The following COL21A1 variants were observed in gnomAD, a reference collection of about 807,000 sequenced individuals.
COL21A1 encodes the protein collagen alpha-1(XXI) chain.
In COL21A1, 149 loss-of-function variants were observed where a neutral mutation model predicts 137.9. That is an observed-to-expected ratio of 1.08 (90% CI 0.95 to 1.24). The LOEUF (loss-of-function observed/expected upper bound fraction) is 1.24. COL21A1 is among the 50% of genes most tolerant of loss of function. The probability of loss-of-function intolerance (pLI) is 0.00; values close to 1 mark genes in which losing one functional copy is unlikely to be tolerated. For missense variants in COL21A1, 1,167 were observed against 1,158.4 expected, an observed-to-expected ratio of 1.01 and a Z score of -0.11; for synonymous variants, 456 against 391.5, an observed-to-expected ratio of 1.16 and a Z score of -1.95.
chr6:56,313,120 G>A (rs1764648959), intron 1 of COL21A1, among the ~76,000 whole-genome samples: 2 of 152,152 alleles, frequency 1.3e-5, no homozygotes, highest in African/African-American at 4.8e-5. Flanking sequence ...GAGATAGCTA[G>A]TAAGGAATTA....
At chr6:56,368,807 T>A (rs192681051) in intron 1 of COL21A1, among the ~76,000 whole-genome samples, 2 of 152,322 alleles carry the variant, frequency 1.3e-5, no homozygotes, top group Non-Finnish European at 2.9e-5. Context: ...GAAGAGAAAT[T>A]TTCAATGGTC....
chr6:56,116,540 G>C (rs746461586), intron 16 of COL21A1, among the ~76,000 whole-genome samples: 49 of 149,632 alleles, frequency 3.3e-4, no homozygotes, highest in Non-Finnish European at 5.6e-4. Context: ...TACCATACAA[G>C]AAATGCTAAA....
chr6:56,342,572 A>G (rs1765494458), intron 1 of COL21A1, among the ~76,000 whole-genome samples: 1 of 152,238 alleles, frequency 6.6e-6, no homozygotes, highest in Admixed American at 6.5e-5. Context: ...ATGTTCACAT[A>G]TATCAGAATT....
intron 9 of COL21A1, among the ~76,000 whole-genome samples, chr6:56,163,783 C>T (rs111389819): frequency 2.0e-5 from 3 of 151,618 alleles, no homozygotes; most frequent in African/African-American, 7.3e-5. Context: ...ATAAAACAAC[C>T]GGTTATAAAG....
intron 1 of COL21A1, among the ~76,000 whole-genome samples, chr6:56,341,664 A>T (rs9475675): frequency 0.33 from 50,479 of 152,094 alleles, 9,095 homozygotes; most frequent in Admixed American, 0.41. Flanking sequence ...GATATGTGTC[A>T]TTATACATTT....
intron 12 of COL21A1, among the ~76,000 whole-genome samples, chr6:56,133,399 C>A (rs191281079): frequency 2.2e-4 from 34 of 152,210 alleles, no homozygotes; most frequent in African/African-American, 7.9e-4. Flanking sequence ...TTCTAAGGAG[C>A]AAGGCATTCA....
chr6:56,276,177 A>G (rs1243630361), intron 1 of COL21A1, among the ~76,000 whole-genome samples: 1 of 152,200 alleles, frequency 6.6e-6, no homozygotes, highest in Non-Finnish European at 1.5e-5. Flanking sequence ...TTGTGTACAC[A>G]TGGTAAAGAT....
At chr6:56,288,897 C>A (rs1200133267) in intron 1 of COL21A1, among the ~76,000 whole-genome samples, 1 of 152,058 alleles carries the variant, frequency 6.6e-6, no homozygotes, top group East Asian at 1.9e-4. Context: ...TGTCTGTGCC[C>A]CTGTAAATTA....
chr6:56,077,716 A>T (rs893787352), intron 17 of COL21A1, 143 bp from the exon 18 acceptor site: 2 of 558,508 alleles, frequency 3.6e-6, no homozygotes, highest in Non-Finnish European at 6.2e-6. Context: ...ATTTGTAATA[A>T]TCCAATATGG....
At chr6:56,255,292 C>A (rs916064790) in intron 1 of COL21A1, among the ~76,000 whole-genome samples, 30 of 150,588 alleles carry the variant, frequency 2.0e-4, no homozygotes, top group Middle Eastern at 3.4e-3. Context: ...GGTATAAAAT[C>A]TTTTTTTCCT....
intron 7 of COL21A1, 91 bp from the exon 8 acceptor site, chr6:56,164,913 T>G (rs1427608887): frequency 9.8e-7 from 1 of 1,022,070 alleles, no homozygotes; most frequent in Non-Finnish European, 1.4e-6. Flanking sequence ...CCATCCAGAT[T>G]AGAGATATAT....
chr6:56,089,477 G>C (rs1464174868), intron 17 of COL21A1, among the ~76,000 whole-genome samples: 4 of 151,836 alleles, frequency 2.6e-5, no homozygotes, highest in African/African-American at 9.7e-5. Flanking sequence ...TATGCAACAT[G>C]GTTCATCTAC....
At chr6:56,178,406 A>C (rs12196208) in intron 3 of COL21A1, among the ~76,000 whole-genome samples, 10,924 of 152,106 alleles carry the variant, frequency 0.072, 438 homozygotes, top group Middle Eastern at 0.13. Context: ...AAGACGTTTA[A>C]TTTTCTATAT....
rs1318205530 is a variant in COL21A1, at chr6:56,180,039, A to T, written c.179T>A (p.Leu60His). The T allele has an allele frequency of 1.2e-6, 2 of 1,613,870 alleles. No homozygotes were observed. Among genetic ancestry groups the T allele is most frequent in the South Asian group, 2.2e-5 (2 of 91,080 alleles). ...PENFEIVKKW[L>H]VNITKNFDIG... is the part of the protein sequence containing the mutation. ...GTCAAAGTTTTTTGTGATATTGACAAGCCACTTTTTCACTATTTCAAAGTT... is the reference window on the plus strand; with the variant it reads ...GTCAAAGTTTTTTGTGATATTGACATGCCACTTTTTCACTATTTCAAAGTT... Residue 60 changes from leucine to histidine, a missense_variant, in exon 3 of 30, where the codon CTT becomes CAT. By Grantham distance (99) the Leu-to-His change is moderately conservative. Transcript: ENST00000244728.
intron 1 of COL21A1, among the ~76,000 whole-genome samples, chr6:56,312,009 C>A (rs190266398): frequency 3.3e-4 from 51 of 152,268 alleles, no homozygotes; most frequent in African/African-American, 5.8e-4. Flanking sequence ...AATGAACTGA[C>A]AACAGAATTG....
At chr6:56,068,441 T>G (rs1175672614) in intron 22 of COL21A1, among the ~76,000 whole-genome samples, 15 of 151,504 alleles carry the variant, frequency 9.9e-5, no homozygotes, top group Admixed American at 4.0e-4. Context: ...CATATATTAT[T>G]TATATACATA....
intron 16 of COL21A1, among the ~76,000 whole-genome samples, chr6:56,123,708 A>G (rs1011937819): frequency 6.6e-6 from 1 of 152,208 alleles, no homozygotes; most frequent in Non-Finnish European, 1.5e-5. Flanking sequence ...CACACAACTG[A>G]TAAAGAAGCC....
chr6:56,246,459 T>A (rs1466509145), intron 1 of COL21A1, among the ~76,000 whole-genome samples: 1 of 104,752 alleles, frequency 9.5e-6, no homozygotes, highest in Non-Finnish European at 1.9e-5. Context: ...TCTTTCAAAG[T>A]CCCCAGTATG....
At chr6:56,317,109 T>C (rs1418723532) in intron 1 of COL21A1, among the ~76,000 whole-genome samples, 2 of 152,180 alleles carry the variant, frequency 1.3e-5, no homozygotes, top group Non-Finnish European at 2.9e-5. Flanking sequence ...TGTGACTGTC[T>C]GCACTCACCT....
Sources: gnomAD v4.1 joint callset for allele counts (sites outside exome capture counted in the v4.1 genomes callset) on GRCh38, gnomAD v4.1.1 for gene constraint, MANE v1.5 for transcripts, NCBI Gene and HGNC (gene_info 2026-07-23, HGNC 2026-07-21) for gene names.